The following SLC22A3 variants were observed in gnomAD, a reference collection of about 807,000 sequenced individuals.
The protein encoded by SLC22A3 is EMT organic cation transporter 3.
In SLC22A3, 51 loss-of-function variants were observed where a neutral mutation model predicts 59.1. That is an observed-to-expected ratio of 0.86 (90% CI 0.69 to 1.09). The LOEUF (loss-of-function observed/expected upper bound fraction) is 1.09, where lower values mean the gene tolerates loss of function less well. SLC22A3 is among the 50% of genes least tolerant of loss of function. The pLI, the probability that SLC22A3 is intolerant of heterozygous loss-of-function variation, is 0.00. For missense variants in SLC22A3, 711 were observed against 726.3 expected (o/e 0.98, Z 0.24); for synonymous variants, 325 against 292.0 (o/e 1.11, Z -1.15).
intron 1 of SLC22A3, among the ~76,000 whole-genome samples, chr6:160,362,761 C>T (rs992189639): frequency 1.2e-4 from 19 of 152,190 alleles, no homozygotes; most frequent in South Asian, 4.1e-4. Flanking sequence ...CACGCTCCAG[C>T]GCCGGAGGGG....
At chr6:160,365,196 G>C (rs1785163866) in intron 1 of SLC22A3, among the ~76,000 whole-genome samples, 1 of 152,146 alleles carries the variant, frequency 6.6e-6, no homozygotes, top group Admixed American at 6.5e-5. Flanking sequence ...GTTTTTAAAT[G>C]TTAAACTGTC....
chr6:160,429,879 C>T (rs2661834), intron 5 of SLC22A3, among the ~76,000 whole-genome samples: 39,585 of 151,544 alleles, frequency 0.26, 5,419 homozygotes, highest in Middle Eastern at 0.39. Flanking sequence ...CAACCATTCT[C>T]TTTATCTGAG....
At chr6:160,358,649 G>T (rs1784918893) in intron 1 of SLC22A3, among the ~76,000 whole-genome samples, 1 of 152,202 alleles carries the variant, frequency 6.6e-6, no homozygotes, top group Non-Finnish European at 1.5e-5. Context: ...CCCCCATCCG[G>T]GTGGCTCTGG....
rs1431191676 is a variant in SLC22A3, at chr6:160,348,722, C to T, written c.303C>T (p.Ser101=). ...ACCTCCTGGAGGCGGCCAACGACAG[C>T]GCCTCCGCCACTAGCGCTCTCAGCT... ...QRYLLEAAND[S]ASATSALSCA... is the part of the protein sequence containing the mutation. The change falls in exon 1 of 11, where the codon AGC becomes AGT. Residue 101 remains serine (S), a synonymous_variant. Coordinates refer to ENST00000275300, the MANE Select transcript of SLC22A3 (RefSeq NM_021977.4). The T allele has an allele frequency of 1.3e-5, 20 of 1,525,810 alleles. No individual in the cohort carries two copies. The highest frequency in any genetic ancestry group is 2.1e-4 in the Middle Eastern group (1 of 4,878). 94.5% of individuals were successfully genotyped at this position (1,525,810 alleles called of 1,614,324 possible).
chr6:160,414,858 C>T (rs781358638), intron 5 of SLC22A3, among the ~76,000 whole-genome samples: 10 of 152,162 alleles, frequency 6.6e-5, no homozygotes, highest in Admixed American at 1.3e-4. Context: ...GGGGACACAG[C>T]CAAACCATGT....
chr6:160,443,000 T>G, intron 8 of SLC22A3, 131 bp downstream of exon 8: 1 of 734,180 alleles, frequency 1.4e-6, no homozygotes, highest in South Asian at 1.6e-5. Flanking sequence ...ATCCAGCTAG[T>G]AAAGAAGATA....
intron 3 of SLC22A3, among the ~76,000 whole-genome samples, chr6:160,408,293 C>T (rs1010184186): frequency 6.6e-5 from 10 of 152,088 alleles, no homozygotes; most frequent in Middle Eastern, 3.2e-3. Flanking sequence ...CTTGTGATAA[C>T]GAAAAGTCTT....
chr6:160,436,978 T>TCCA lies in SLC22A3; in HGVS notation c.1074-18_1074-17insCAC. 1 of 1,614,064 alleles carries TCCA rather than the reference T, an allele frequency of 6.2e-7. No individual in the cohort carries two copies. Among genetic ancestry groups the TCCA allele is most frequent in the Non-Finnish European group, 8.5e-7 (1 of 1,179,876 alleles). On this transcript the variant is annotated intron_variant, in intron 6 of 10. Transcript: ENST00000275300. Reference sequence around the variant, plus strand: ...GTTATCTCTTACTTGTTCTCTGGTGTCTTTCAATGTTGCTACAGGTTCACA... The same window carrying TCCA: ...GTTATCTCTTACTTGTTCTCTGGTGTCCACTTTCAATGTTGCTACAGGTTCACA...
intron 1 of SLC22A3, among the ~76,000 whole-genome samples, chr6:160,359,373 A>C (rs752088600): frequency 1.3e-5 from 2 of 152,240 alleles, no homozygotes; most frequent in Non-Finnish European, 2.9e-5. Context: ...TTAATTTACG[A>C]AAGTAGTTTA....
intron 5 of SLC22A3, among the ~76,000 whole-genome samples, chr6:160,411,160 A>G (rs1787233342): frequency 6.6e-6 from 1 of 152,192 alleles, no homozygotes; most frequent in African/African-American, 2.4e-5. Flanking sequence ...TAATAATTGC[A>G]CCAAGTTACT....
intron 1 of SLC22A3, among the ~76,000 whole-genome samples, chr6:160,396,763 A>G (rs1002544372): frequency 6.6e-5 from 10 of 152,118 alleles, no homozygotes; most frequent in Admixed American, 2.0e-4. Context: ...TTTTTTATCA[A>G]TTATGATCTA....
intron 1 of SLC22A3, among the ~76,000 whole-genome samples, chr6:160,369,947 C>T (rs574764110): frequency 2.6e-5 from 4 of 152,270 alleles, no homozygotes; most frequent in South Asian, 4.1e-4. Context: ...GGGCAGGAGC[C>T]GTCAGGGTGT....
intron 1 of SLC22A3, among the ~76,000 whole-genome samples, chr6:160,396,502 A>G (rs2114829488): frequency 2.0e-5 from 3 of 152,300 alleles, no homozygotes; most frequent in Middle Eastern, 6.8e-3. Context: ...ACATTTCTGT[A>G]GCAAAACTCC....
intron 5 of SLC22A3, among the ~76,000 whole-genome samples, chr6:160,426,712 G>A (rs1287347240): frequency 6.6e-6 from 1 of 152,106 alleles, no homozygotes; most frequent in African/African-American, 2.4e-5. Flanking sequence ...TGTGTCTCTG[G>A]TCTCCATCTT....
At chr6:160,365,968 G>A (rs1785189666) in intron 1 of SLC22A3, among the ~76,000 whole-genome samples, 1 of 152,126 alleles carries the variant, frequency 6.6e-6, no homozygotes, top group Non-Finnish European at 1.5e-5. Flanking sequence ...CATGAGAACA[G>A]CAGCATGGGG....
chr6:160,423,061 T>G (rs536494281), intron 5 of SLC22A3, among the ~76,000 whole-genome samples: 2 of 152,228 alleles, frequency 1.3e-5, no homozygotes, highest in Non-Finnish European at 2.9e-5. Flanking sequence ...AATTCCCACC[T>G]ATGAGTGAGA....
intron 5 of SLC22A3, among the ~76,000 whole-genome samples, chr6:160,433,004 A>G (rs551420966): frequency 1.3e-5 from 2 of 152,304 alleles, no homozygotes; most frequent in South Asian, 4.1e-4. Context: ...AGCAAACTAC[A>G]GCTTGCAGGC....
intron 8 of SLC22A3, 124 bp downstream of exon 8, chr6:160,442,993 C>T (rs2114924715): frequency 2.6e-6 from 2 of 756,546 alleles, no homozygotes; most frequent in South Asian, 3.0e-5. Context: ...AGGCTGAATC[C>T]AGCTAGTAAA....
chr6:160,388,380 AAC>A (rs1338582183), intron 1 of SLC22A3, among the ~76,000 whole-genome samples: 6 of 152,204 alleles, frequency 3.9e-5, no homozygotes, highest in African/African-American at 1.4e-4. Flanking sequence ...AGTGTATTCA[AAC>A]ACAGATTTCT....
Sources: gnomAD v4.1 joint callset for allele counts (sites outside exome capture counted in the v4.1 genomes callset) on GRCh38, gnomAD v4.1.1 for gene constraint, MANE v1.5 for transcripts, NCBI Gene and HGNC (gene_info 2026-07-23, HGNC 2026-07-21) for gene names.